The following LRRTM3 variants were observed in gnomAD, a reference collection of about 807,000 sequenced individuals.
LRRTM3 encodes leucine-rich repeat transmembrane neuronal protein 3.
LRRTM3 carries 24 observed loss-of-function variants against 44.7 expected under a neutral mutation model. The ratio of observed to expected loss-of-function variants is 0.54; its 90% CI spans 0.39 to 0.76. The LOEUF (loss-of-function observed/expected upper bound fraction) is 0.76, where lower values mean the gene tolerates loss of function less well. Ranked by LOEUF, LRRTM3 falls within the 30% of genes least tolerant of loss-of-function variation. The pLI, the probability that LRRTM3 is intolerant of heterozygous loss-of-function variation, is 0.00. For synonymous variants in LRRTM3, 277 were observed against 278.7 expected (o/e 0.99, Z 0.06); for missense variants, 587 against 702.2 (o/e 0.84, Z 1.85).
Position 66,958,947 on chromosome 10 carries a change from G to A in LRRTM3, c.1536+30495G>A, listed in dbSNP as rs77824618. ...TCATTTAACTTGTCCAAGTAGTTAC[G>A]CTTCTATTCAGACATAGGGAGAGAG... On this transcript the variant is annotated intron_variant, in intron 2 of 2. Transcript: ENST00000361320. Among the ~76,000 whole-genome samples, 860 of 152,176 alleles carry A rather than the reference G, an allele frequency of 5.7e-3. 10 individuals carry two copies. Among genetic ancestry groups the A allele is most frequent in the African/African-American group, 0.02 (812 of 41,520 alleles).
chr10:67,012,379 C>T (rs1852394658), intron 2 of LRRTM3: 1 of 152,100 alleles, frequency 6.6e-6, no homozygotes, highest in Non-Finnish European at 1.5e-5. Context: ...GTATCTTCTC[C>T]CCTTTTCCCT....
chr10:66,978,534 A>ATAAAAAATAAAATAAAAAT (rs1850200278), intron 2 of LRRTM3, among the ~76,000 whole-genome samples: 1 of 93,700 alleles, frequency 1.1e-5, no homozygotes. Flanking sequence ...CTCAAAAAAA[A>ATAAAAAATAAAATAAAAAT]AAAAAAAAAA....
In LRRTM3 at chr10:66,926,930, T is replaced by C. The variant is rs1181586600; in HGVS notation, c.14T>C (p.Val5Ala). ...TTGTTTTTATTTCCAGGTTTCAATG[T>C]AATTAGGCTACTGAGCGGATCAGCT... is the stretch of plus-strand genomic sequence containing the variant. Reference protein sequence around the residue: MGFNVIRLLSGSAVA... With the variant: MGFNAIRLLSGSAVA... The change falls in exon 2 of 3, where the codon GTA becomes GCA. Residue 5 changes from valine to alanine, a missense_variant. By Grantham distance (64) the Val-to-Ala change is moderately conservative (BLOSUM62 0). This residue lies in a region of LRRTM3 where 50 missense variants were observed against 43.4 expected (regional missense o/e 1.15). Transcript: ENST00000361320. 6.4e-7 allele frequency: 1 copy of C among 1,564,672 alleles called. No individual in the cohort carries two copies. The highest frequency in any genetic ancestry group is 1.4e-5 in the African/African-American group (1 of 72,664).
chr10:67,011,046 T>C (rs1395948690), intron 2 of LRRTM3, among the ~76,000 whole-genome samples: 4 of 152,138 alleles, frequency 2.6e-5, no homozygotes, highest in Admixed American at 6.5e-5. Context: ...TATGTCAATA[T>C]AGGCCAGGCG....
intron 2 of LRRTM3, among the ~76,000 whole-genome samples, chr10:66,977,563 T>C (rs1180307087): frequency 6.6e-6 from 1 of 152,224 alleles, no homozygotes; most frequent in Non-Finnish European, 1.5e-5. Context: ...TATGCTTCAC[T>C]GTCACGTGTA....
chr10:67,062,424 A>G lies in LRRTM3; in HGVS notation c.1537-35163A>G, dbSNP rs557135532. 2.9e-4 allele frequency among the ~76,000 whole-genome samples: 44 copies of G among 152,318 alleles called. No individual in the cohort carries two copies. The Middle Eastern group carries it at 0.014, about 47-fold the overall frequency. ...TGTCAGCGATGACTCATGCTTTAGC[A>G]TTATCTCTTAAGTATGCAGGTGATA... On this transcript the variant is annotated intron_variant, in intron 2 of 2. Transcript: ENST00000361320.
At chr10:67,017,756 C>CG (rs1852749571) in intron 2 of LRRTM3, among the ~76,000 whole-genome samples, 1 of 148,764 alleles carries the variant, frequency 6.7e-6, no homozygotes, top group Non-Finnish European at 1.5e-5. Flanking sequence ...TGTGTGTGCG[C>CG]GCGTACAATT....
chr10:67,017,930 C>G (rs1852762824), intron 2 of LRRTM3, among the ~76,000 whole-genome samples: 2 of 151,908 alleles, frequency 1.3e-5, no homozygotes, highest in South Asian at 4.2e-4. Context: ...CCACCACGCC[C>G]AGCTAATTTT....
intron 2 of LRRTM3, among the ~76,000 whole-genome samples, chr10:67,047,046 C>G (rs1854798166): frequency 1.3e-5 from 2 of 152,176 alleles, no homozygotes; most frequent in African/African-American, 2.4e-5. Context: ...AGGAGCACTG[C>G]CTGTATCTGA....
intron 2 of LRRTM3, among the ~76,000 whole-genome samples, chr10:67,081,981 C>CAGCACAT (rs1338396851): frequency 6.6e-6 from 1 of 152,114 alleles, no homozygotes; most frequent in East Asian, 1.9e-4. Flanking sequence ...TTTGAATTAC[C>CAGCACAT]AGCACATAAC....
chr10:67,074,342 C>CTT (rs36186252), intron 2 of LRRTM3, among the ~76,000 whole-genome samples: 3,419 of 68,736 alleles, frequency 0.05, 506 homozygotes, highest in African/African-American at 0.1. Context: ...CACTTTAACT[C>CTT]TTTTTTTTTT....
chr10:66,943,165 G>A lies in LRRTM3; in HGVS notation c.1536+14713G>A, dbSNP rs528752988. On this transcript the variant is annotated intron_variant, in intron 2 of 2. Transcript: ENST00000361320. ...TTCACTGGAGACATGAAAATAATTC[G>A]TTCTTTTTAAAGACTTTGAAAAGAG... Among the ~76,000 whole-genome samples, 5 of 152,196 alleles carry A rather than the reference G, an allele frequency of 3.3e-5. No homozygotes were observed. In the South Asian group the frequency reaches 6.2e-4, roughly 19 times the overall value.
intron 2 of LRRTM3, among the ~76,000 whole-genome samples, chr10:67,077,836 A>T (rs1856814360): frequency 6.6e-6 from 1 of 152,176 alleles, no homozygotes. Flanking sequence ...AAGAGAGAAA[A>T]TTACTAATAA....
At chr10:66,998,792 C>T (rs1263423394) in intron 2 of LRRTM3, among the ~76,000 whole-genome samples, 1 of 152,084 alleles carries the variant, frequency 6.6e-6, no homozygotes, top group Non-Finnish European at 1.5e-5. Context: ...ATAACTGATA[C>T]ATCAGGCAGC....
intron 2 of LRRTM3, among the ~76,000 whole-genome samples, chr10:67,028,646 C>CT (rs1274989257): frequency 3.2e-4 from 13 of 40,868 alleles, no homozygotes; most frequent in Non-Finnish European, 6.3e-4. Flanking sequence ...GCTAGTTCTA[C>CT]TTAAAAAAAA....
At chr10:66,971,294 T>C (rs1202472639) in intron 2 of LRRTM3, among the ~76,000 whole-genome samples, 2 of 152,092 alleles carry the variant, frequency 1.3e-5, no homozygotes, top group Admixed American at 6.5e-5. Context: ...GGCATGGTTG[T>C]GTGAGCCTGT....
intron 2 of LRRTM3, among the ~76,000 whole-genome samples, chr10:66,938,664 T>C (rs1050252140): frequency 6.6e-6 from 1 of 152,110 alleles, no homozygotes; most frequent in Non-Finnish European, 1.5e-5. Flanking sequence ...GTCCAAAGGT[T>C]AATCGTATTC....
intron 2 of LRRTM3, among the ~76,000 whole-genome samples, chr10:66,990,351 A>G (rs1045878602): frequency 6.6e-6 from 1 of 152,206 alleles, no homozygotes; most frequent in Non-Finnish European, 1.5e-5. Context: ...CTTCTCCTCT[A>G]TGCTGAATTA....
chr10:66,971,779 T>A (rs1849738043), intron 2 of LRRTM3, among the ~76,000 whole-genome samples: 1 of 152,178 alleles, frequency 6.6e-6, no homozygotes, highest in Admixed American at 6.5e-5. Context: ...ACATAATTTA[T>A]TTTAATTACA....
Sources: gnomAD v4.1 joint callset for allele counts (sites outside exome capture counted in the v4.1 genomes callset) on GRCh38, gnomAD v4.1.1 for gene constraint, gnomAD v4.1.1 regional missense constraint, MANE v1.5 for transcripts, NCBI Gene and HGNC (gene_info 2026-07-23, HGNC 2026-07-21) for gene names.